The following FAM20C variants were observed in gnomAD, a reference collection of about 807,000 sequenced individuals.
FAM20C encodes FAM20C golgi associated secretory pathway kinase.
In FAM20C, 40 loss-of-function variants were observed where a neutral mutation model predicts 51.5. The ratio of observed to expected loss-of-function variants is 0.78; its 90% CI spans 0.60 to 1.01. The LOEUF (loss-of-function observed/expected upper bound fraction) is 1.01. Ranked by LOEUF, FAM20C falls within the 50% of genes least tolerant of loss-of-function variation. FAM20C has a pLI of 0.00. For synonymous variants in FAM20C, 406 were observed against 380.6 expected (o/e 1.07, Z -0.78); for missense variants, 861 against 844.7 (o/e 1.02, Z -0.24).
chr7:194,017 G>C, intron 1 of FAM20C: 1 of 738,616 alleles, frequency 1.4e-6, no homozygotes, highest in South Asian at 3.1e-5. Context: ...TCCGGGAGCT[G>C]TGCCCTGTGG....
intron 8 of FAM20C, 32 bp from the exon 9 acceptor site, chr7:258,614 G>T: frequency 6.5e-7 from 1 of 1,535,966 alleles, no homozygotes; most frequent in East Asian, 2.4e-5. Flanking sequence ...CTTGTACAGG[G>T]GCCCTTGACA....
In FAM20C at chr7:193,151, G is replaced by C; in HGVS notation, c.-49G>C. The C allele has an allele frequency of 7.1e-7, 1 of 1,416,436 alleles. No individual in the cohort carries two copies. The highest frequency in any genetic ancestry group is 9.3e-7 in the Non-Finnish European group (1 of 1,075,928). 87.7% of individuals were successfully genotyped at this position (1,416,436 alleles called of 1,614,324 possible). On this transcript the variant is annotated 5_prime_UTR_variant, in exon 1 of 10. Coordinates refer to ENST00000313766, the MANE Select transcript of FAM20C (RefSeq NM_020223.4). ...GCGCTCGTGCCCAGCTGCAGCTAGAGGGGCGCGCGGGCAGAACGCGCTCCA... is the reference window on the plus strand; with the variant it reads ...GCGCTCGTGCCCAGCTGCAGCTAGACGGGCGCGCGGGCAGAACGCGCTCCA...
intron 3 of FAM20C, among the ~76,000 whole-genome samples, chr7:210,035 C>T (rs1451252759): frequency 1.3e-5 from 2 of 152,174 alleles, no homozygotes; most frequent in Non-Finnish European, 2.9e-5. Flanking sequence ...TGAGTCACAG[C>T]CCCGTGCCTG....
chr7:204,271 C>G (rs942301455), intron 2 of FAM20C, among the ~76,000 whole-genome samples: 2 of 152,250 alleles, frequency 1.3e-5, no homozygotes, highest in African/African-American at 4.8e-5. Context: ...TACGGAGCCT[C>G]GAGCTGCTGG....
chr7:195,343 A>G (rs1583272950), intron 1 of FAM20C: 1 of 448,358 alleles, frequency 2.2e-6, no homozygotes, highest in Non-Finnish European at 3.9e-6. Context: ...TAAGAATTAC[A>G]GGCCTTTCAC....
chr7:245,403 C>G (rs1583329084), intron 3 of FAM20C, among the ~76,000 whole-genome samples: 1 of 151,976 alleles, frequency 6.6e-6, no homozygotes, highest in South Asian at 2.1e-4. Context: ...GGAGGACATC[C>G]TGGGACGGGC....
rs1441228320 is a variant in FAM20C at position 205,250 on chromosome 7, G to A, written c.785-3648G>A. ...CCCGAGTAGCTGGGACCACAGACAC[G>A]CACCACCACGACGTCAGCCTCCCGA... is the stretch of plus-strand genomic sequence containing the variant. On this transcript the variant is annotated intron_variant, in intron 2 of 9. Coordinates refer to ENST00000313766, the MANE Select transcript of FAM20C (RefSeq NM_020223.4). Among the ~76,000 whole-genome samples, 7 of 149,558 alleles carry A rather than the reference G, an allele frequency of 4.7e-5. 1 individual carries two copies. The highest frequency in any genetic ancestry group is 3.9e-4 in the East Asian group (2 of 5,164).
At chr7:231,000 C>T (rs1787650234) in intron 3 of FAM20C, among the ~76,000 whole-genome samples, 1 of 152,122 alleles carries the variant, frequency 6.6e-6, no homozygotes, top group African/African-American at 2.4e-5. Context: ...TTCGCCTGAG[C>T]CCAGGAGGCT....
chr7:237,845 T>TGATGGTGGTGGA (rs1583323562), intron 3 of FAM20C, among the ~76,000 whole-genome samples: 39 of 762 alleles, frequency 0.051, no homozygotes, highest in East Asian at 0.097. Flanking sequence ...ATAGTGATGA[T>TGATGGTGGTGGA]GNNNNNNNNN....
chr7:222,891 A>G (rs1402060194), intron 3 of FAM20C, among the ~76,000 whole-genome samples: 3 of 151,820 alleles, frequency 2.0e-5, no homozygotes, highest in African/African-American at 7.3e-5. Context: ...TGACGTGTAC[A>G]TGTGTAACGT....
chr7:230,801 T>G lies in FAM20C; in HGVS notation c.864-15614T>G, dbSNP rs563823217. Among the ~76,000 whole-genome samples the G allele has an allele frequency of 8.0e-4, 120 of 149,178 alleles. 1 individual carries two copies. The highest frequency in any genetic ancestry group is 4.1e-3 in the South Asian group (18 of 4,434). On this transcript the variant is annotated intron_variant, in intron 3 of 9. Coordinates refer to ENST00000313766, the MANE Select transcript of FAM20C (RefSeq NM_020223.4). ...TGTGTGTTTACTGCTCTCAATAATA[T>G]ACTGAATAATACCTATCGGTTAATG...
chr7:207,481 C>A (rs1786479079), intron 2 of FAM20C, among the ~76,000 whole-genome samples: 2 of 152,238 alleles, frequency 1.3e-5, no homozygotes, highest in South Asian at 4.1e-4. Context: ...AGCCCTGCCC[C>A]TCGCTCCGAG....
rs1330514508 is a variant in FAM20C at position 246,420 on chromosome 7, C to G, written c.869C>G (p.Thr290Arg). The G allele has an allele frequency of 1.4e-6, 2 of 1,403,570 alleles. No homozygotes were observed. Among genetic ancestry groups the G allele is most frequent in the South Asian group, 1.2e-5 (1 of 81,610 alleles). 86.9% of individuals were successfully genotyped at this position (1,403,570 alleles called of 1,614,324 possible). The change falls in exon 4 of 10, where the codon ACG becomes AGG. Residue 290 changes from threonine (T) to arginine (R), a missense_variant. Thr to Arg is a moderately conservative substitution (Grantham distance 71). Transcript: ENST00000313766. ...TTTCTGTCTTGTTTTCTCAGACAAA[C>G]GAGGGAGCAGGAGACACCCCCTGAC... ...GQALFKPMKQ[T>R]REQETPPDFF... is the part of the protein sequence containing the mutation.
intron 2 of FAM20C, among the ~76,000 whole-genome samples, chr7:199,274 G>A (rs1359348170): frequency 1.3e-5 from 2 of 152,238 alleles, no homozygotes; most frequent in Non-Finnish European, 2.9e-5. Context: ...TAGGCCCTTG[G>A]CGTGGCCAAG....
chr7:195,499 C>T (rs980191485), intron 1 of FAM20C, 55 bp from the exon 2 acceptor site: 91 of 1,380,786 alleles, frequency 6.6e-5, no homozygotes, highest in Admixed American at 2.2e-4. Flanking sequence ...CCCCGTCATC[C>T]GACTCACGGG....
intron 3 of FAM20C, among the ~76,000 whole-genome samples, chr7:210,686 C>T (rs1461484359): frequency 2.0e-5 from 3 of 152,092 alleles, no homozygotes; most frequent in African/African-American, 4.8e-5. Context: ...CGCCGAGCTA[C>T]GGGACCTTGA....
In FAM20C at chr7:246,525, C is replaced by T. The variant is rs1788168266; in HGVS notation, c.956+18C>T. ...CTGGACAGGTGAGCCCTTCCTTCCT[C>T]CCTCCATCCGCGCTCCCGTGCGCTC... On this transcript the variant is annotated intron_variant, in intron 4 of 9. Coordinates refer to ENST00000313766, the MANE Select transcript of FAM20C (RefSeq NM_020223.4). 6.5e-7 allele frequency: 1 copy of T among 1,528,914 alleles called. No homozygotes were observed. The highest frequency in any genetic ancestry group is 1.7e-4 in the Middle Eastern group (1 of 5,940). The allele number at this position is 1,528,914 out of a possible 1,614,324, so 94.7% of individuals were successfully genotyped here. A position where few individuals can be genotyped will look rare whatever the true frequency, so the allele number is the denominator to read the frequency against.
At chr7:227,400 C>G (rs979143400) in intron 3 of FAM20C, among the ~76,000 whole-genome samples, 1 of 151,854 alleles carries the variant, frequency 6.6e-6, no homozygotes, top group Non-Finnish European at 1.5e-5. Context: ...TTTAAGATCT[C>G]CTTAGACAAG....
chr7:201,697 G>A (rs1440977491), intron 2 of FAM20C, among the ~76,000 whole-genome samples: 1 of 152,252 alleles, frequency 6.6e-6, no homozygotes. Flanking sequence ...ATCTTTCTAT[G>A]TAAGACGCTT....
Sources: allele counts gnomAD v4.1 joint callset (sites outside exome capture counted in the v4.1 genomes callset), GRCh38; gene constraint gnomAD v4.1.1; transcripts MANE v1.5; gene names NCBI Gene and HGNC (gene_info 2026-07-23, HGNC 2026-07-21).